SCRG1: variants seen among roughly 807,000 people sequenced by gnomAD.
The protein encoded by SCRG1 is scrapie-responsive protein 1.
Under a neutral mutation model 7.7 loss-of-function variants are expected in SCRG1, and 3 were observed. That is an observed-to-expected ratio of 0.39 (90% CI 0.18 to 1.01). The LOEUF (loss-of-function observed/expected upper bound fraction) is 1.01, where lower values mean the gene tolerates loss of function less well. Among genes scored for constraint, SCRG1 ranks in the 50% least tolerant of loss-of-function variants. The pLI, the probability that SCRG1 is intolerant of heterozygous loss-of-function variation, is 0.36. For synonymous variants in SCRG1, 46 were observed against 41.2 expected (o/e 1.12, Z -0.44); for missense variants, 110 against 117.2 (o/e 0.94, Z 0.28).
At chr4:173,408,368 G>A (rs1011025077), upstream of SCRG1, among the ~76,000 whole-genome samples, 1 of 152,074 alleles carries the variant, frequency 6.6e-6, no homozygotes, top group African/African-American at 2.4e-5. Flanking sequence ...TTCTTTGGGG[G>A]TGAATTAACA....
At chr4:173,474,786 A>T in the SCRG1 span, among the ~76,000 whole-genome samples, 1 of 152,250 alleles carries the variant, frequency 6.6e-6, no homozygotes, top group African/African-American at 2.4e-5. Context: ...TTTTTGAAGG[A>T]TATGTTGTAA....
chr4:173,413,470 CA>C, the SCRG1 span, among the ~76,000 whole-genome samples: 2 of 152,340 alleles, frequency 1.3e-5, no homozygotes, highest in African/African-American at 4.8e-5. Context: ...AGGAGCTTGT[CA>C]TGCATGCATT....
At chr4:173,396,743 T>TGTGTGTGTGTGTGA (rs1403569450) in intron 1 of SCRG1, among the ~76,000 whole-genome samples, 6 of 150,984 alleles carry the variant, frequency 4.0e-5, no homozygotes, top group Non-Finnish European at 1.5e-5. Context: ...TGTGTGTGTG[T>TGTGTGTGTGTGTGA]GTGTGTATGC....
chr4:173,445,300 A>G, the SCRG1 span, among the ~76,000 whole-genome samples: 1 of 152,158 alleles, frequency 6.6e-6, no homozygotes, highest in Non-Finnish European at 1.5e-5. Flanking sequence ...TACTCATGCA[A>G]GGCCGGGCGC....
the SCRG1 span, among the ~76,000 whole-genome samples, chr4:173,504,153 G>A: frequency 1.0e-4 from 15 of 149,890 alleles, no homozygotes; most frequent in Non-Finnish European, 2.2e-4. The surrounding 1 kb of genome is among the most constrained non-coding windows in gnomAD (Gnocchi z 4.7). Flanking sequence ...CACAAAGTCT[G>A]AACTACATTG....
chr4:173,440,831 C>T, the SCRG1 span, among the ~76,000 whole-genome samples: 4 of 152,200 alleles, frequency 2.6e-5, no homozygotes, highest in Non-Finnish European at 2.9e-5. Flanking sequence ...CTCTGGCATT[C>T]TTTGGCCTGT....
chr4:173,494,155 A>G, the SCRG1 span, among the ~76,000 whole-genome samples: 1 of 152,078 alleles, frequency 6.6e-6, no homozygotes, highest in East Asian at 1.9e-4. Flanking sequence ...GGGAGACATG[A>G]CCCTGCACCC....
the SCRG1 span, among the ~76,000 whole-genome samples, chr4:173,457,361 A>C: frequency 6.6e-6 from 1 of 152,222 alleles, no homozygotes; most frequent in African/African-American, 2.4e-5. Flanking sequence ...GTAAGGAAAA[A>C]GAGGATATTC....
chr4:173,428,131 A>T, the SCRG1 span, among the ~76,000 whole-genome samples: 51 of 152,184 alleles, frequency 3.4e-4, no homozygotes, highest in Non-Finnish European at 8.8e-5. Flanking sequence ...AATACATGTG[A>T]TAGAATGTGT....
the SCRG1 span, among the ~76,000 whole-genome samples, chr4:173,500,980 C>T: frequency 2.6e-5 from 4 of 152,210 alleles, no homozygotes; most frequent in South Asian, 2.1e-4. Context: ...AGCAGAAGGC[C>T]GGGGCTTGCC....
chr4:173,480,742 G>C, the SCRG1 span, among the ~76,000 whole-genome samples: 221 of 152,144 alleles, frequency 1.5e-3, no homozygotes, highest in African/African-American at 5.0e-3. Flanking sequence ...TTGGTATTTG[G>C]TTATGTTAAA....
chr4:173,427,212 C>T, the SCRG1 span, among the ~76,000 whole-genome samples: 1 of 152,158 alleles, frequency 6.6e-6, no homozygotes, highest in African/African-American at 2.4e-5. Flanking sequence ...ATTCGTGAGC[C>T]CTGGCACATC....
At chr4:173,438,567 A>G in the SCRG1 span, among the ~76,000 whole-genome samples, 1 of 152,082 alleles carries the variant, frequency 6.6e-6, no homozygotes, top group Non-Finnish European at 1.5e-5. Context: ...TGAGCAACAT[A>G]TTGATCAATC....
At chr4:173,475,620 T>G in the SCRG1 span, among the ~76,000 whole-genome samples, 939 of 152,304 alleles carry the variant, frequency 6.2e-3, 5 homozygotes, top group Non-Finnish European at 0.01. Context: ...AAGCAGAGAT[T>G]TAAGCAGATA....
chr4:173,484,137 A>G, the SCRG1 span, among the ~76,000 whole-genome samples: 5 of 15,122 alleles, frequency 3.3e-4, no homozygotes, highest in African/African-American at 7.0e-4. Flanking sequence ...ATAATATATA[A>G]TATAGAATAT....
chr4:173,451,965 C>T, the SCRG1 span, among the ~76,000 whole-genome samples: 1 of 152,126 alleles, frequency 6.6e-6, no homozygotes, highest in African/African-American at 2.4e-5. Flanking sequence ...GGTTGATAGG[C>T]ATCCAAGAGT....
At chr4:173,427,693 GACAGCCCAC>G in the SCRG1 span, among the ~76,000 whole-genome samples, 1 of 152,156 alleles carries the variant, frequency 6.6e-6, no homozygotes, top group Admixed American at 6.5e-5. Flanking sequence ...TCATGGACTG[GACAGCCCAC>G]ACCTCTATAA....
the SCRG1 span, among the ~76,000 whole-genome samples, chr4:173,509,690 G>T: frequency 3.3e-5 from 5 of 152,118 alleles, no homozygotes; most frequent in Non-Finnish European, 7.4e-5. This position sits in a 1 kb window ranked among gnomAD's most constrained non-coding sequence, Gnocchi z 5.7. Context: ...CGCGGACTCG[G>T]GGTGTCGGGC....
At chr4:173,434,722 T>C in the SCRG1 span, among the ~76,000 whole-genome samples, 3 of 152,138 alleles carry the variant, frequency 2.0e-5, no homozygotes, top group African/African-American at 7.2e-5. Context: ...TTCCAGCTAC[T>C]TGGGGGGCTG....
Sources: gnomAD v4.1 joint callset for allele counts (sites outside exome capture counted in the v4.1 genomes callset) on GRCh38, gnomAD v4.1.1 for gene constraint, Gnocchi (gnomAD v3.1) non-coding constraint, MANE v1.5 for transcripts, NCBI Gene and HGNC (gene_info 2026-07-23, HGNC 2026-07-21) for gene names.